The following PAX5 variants were observed in gnomAD, a reference collection of about 807,000 sequenced individuals.
The protein encoded by PAX5 is paired box protein Pax-5.
A neutral mutation model predicts 43.7 loss-of-function variants in PAX5; 9 were observed. That is an observed-to-expected ratio of 0.21 (90% CI 0.12 to 0.36). The LOEUF is 0.36. Among genes scored for constraint, PAX5 ranks in the 10% least tolerant of loss-of-function variants. PAX5 has a pLI of 1.00. For synonymous variants in PAX5, 228 were observed against 214.3 expected, an observed-to-expected ratio of 1.06 and a Z score of -0.56; for missense variants, 383 against 532.7, an observed-to-expected ratio of 0.72 and a Z score of 2.77.
At chr9:36,909,814 AT>A (rs752114508) in intron 7 of PAX5, among the ~76,000 whole-genome samples, 77 of 91,882 alleles carry the variant, frequency 8.4e-4, no homozygotes, top group East Asian at 1.5e-3. Flanking sequence ...AGACATTTTA[AT>A]TTTTTTTTTT....
At chr9:37,008,655 G>A (rs917970996) in intron 3 of PAX5, among the ~76,000 whole-genome samples, 1 of 152,106 alleles carries the variant, frequency 6.6e-6, no homozygotes, top group African/African-American at 2.4e-5. Context: ...CACACACACA[G>A]GCCATCTGGA....
intron 8 of PAX5, among the ~76,000 whole-genome samples, chr9:36,877,294 C>T (rs1826005332): frequency 6.6e-6 from 1 of 152,224 alleles, no homozygotes; most frequent in Non-Finnish European, 1.5e-5. Context: ...AAGATCGCAC[C>T]ACTGCACTCC....
chr9:36,982,515 C>T (rs1299588230), intron 5 of PAX5, among the ~76,000 whole-genome samples: 1 of 152,144 alleles, frequency 6.6e-6, no homozygotes, highest in Non-Finnish European at 1.5e-5. Flanking sequence ...AGAGAGCCCT[C>T]AACTGCAGGC....
At chr9:36,933,140 T>C (rs1197171150) in intron 6 of PAX5, among the ~76,000 whole-genome samples, 5 of 128,772 alleles carry the variant, frequency 3.9e-5, no homozygotes, top group Admixed American at 1.6e-4. Flanking sequence ...GGAGACCCTG[T>C]CTCAAAAAAA....
chr9:36,898,481 C>A (rs746652934), intron 7 of PAX5, among the ~76,000 whole-genome samples: 35 of 152,264 alleles, frequency 2.3e-4, no homozygotes, highest in Admixed American at 5.9e-4. Flanking sequence ...ACCCCAGCAA[C>A]CCCTCCCATC....
rs1271187008 is a variant in PAX5, at chr9:36,923,104, C to T, written c.910+251G>A. 2.7e-5 allele frequency: 12 copies of T among 436,768 alleles called. No homozygotes were observed. In the East Asian group the frequency reaches 3.8e-4, roughly 14 times the overall value. 27.1% of individuals were successfully genotyped at this position (436,768 alleles called of 1,614,324 possible). ...CTGGCATGAGGTTTCCTGCCCCCTA[C>T]CCCAAGTCCCCTCCAGCCCACAGTC... On this transcript the variant is annotated intron_variant, in intron 7 of 9. Coordinates refer to ENST00000358127, the MANE Select transcript of PAX5 (RefSeq NM_016734.3).
chr9:36,954,783 T>C (rs1309251215), intron 6 of PAX5, among the ~76,000 whole-genome samples: 1 of 152,244 alleles, frequency 6.6e-6, no homozygotes, highest in Non-Finnish European at 1.5e-5. Context: ...GTCTTAGCTA[T>C]TATTTCTTCA....
Position 36,851,281 on chromosome 9 carries a change from C to T in PAX5, c.1013-4352G>A, listed in dbSNP as rs370898534. On this transcript the variant is annotated intron_variant, in intron 8 of 9. Transcript: ENST00000358127. ...TCTGAAAACTAACTGAGGCCCTAAA[C>T]GTAATTTGATAGCTTTCGGTGGGGC... is the stretch of plus-strand genomic sequence containing the variant. Among the ~76,000 whole-genome samples, 67 of 152,184 alleles carry T rather than the reference C, an allele frequency of 4.4e-4. No individual in the cohort carries two copies. In the South Asian group the frequency reaches 9.4e-3, roughly 21 times the overall value.
chr9:37,034,145 C>T lies in PAX5; in HGVS notation c.-114G>A. 3.3e-6 allele frequency: 2 copies of T among 613,270 alleles called. No homozygotes were observed. Among genetic ancestry groups the T allele is most frequent in the South Asian group, 2.0e-5 (1 of 50,682 alleles). 38.0% of individuals were successfully genotyped at this position (613,270 alleles called of 1,614,324 possible). ...TTTTTTTGGTGCCAGGGGCCGCTCA[C>T]AGGTCGGAATAATTCAAGCCTTCCG... is the stretch of plus-strand genomic sequence containing the variant. On this transcript the variant is annotated 5_prime_UTR_variant, in exon 1 of 10. In the 5' UTR this introduces an upstream ATG that the reference lacks. Transcript: ENST00000358127.
chr9:36,944,076 C>T (rs953249501), intron 6 of PAX5, among the ~76,000 whole-genome samples: 2 of 152,104 alleles, frequency 1.3e-5, no homozygotes, highest in African/African-American at 4.8e-5. Context: ...CCCACCTGCT[C>T]AGAAGGCTGA....
chr9:37,000,441 C>T (rs1441634700), intron 5 of PAX5, among the ~76,000 whole-genome samples: 1 of 152,108 alleles, frequency 6.6e-6, no homozygotes, highest in African/African-American at 2.4e-5. Context: ...CCATATATAT[C>T]AGAACTGGAA....
In PAX5 at chr9:36,955,806, C is replaced by T. The variant is rs1360332127; in HGVS notation, c.780+10743G>A. On this transcript the variant is annotated intron_variant, in intron 6 of 9. Transcript: ENST00000358127. Reference sequence around the variant, plus strand: ...AAATATATATATATATATATATACCCACACACACATATATATATAATGCTT... The same window carrying T: ...AAATATATATATATATATATATACCTACACACACATATATATATAATGCTT... Among the ~76,000 whole-genome samples the T allele has an allele frequency of 7.9e-3, 977 of 122,956 alleles. 15 individuals carry two copies. Among genetic ancestry groups the T allele is most frequent in the African/African-American group, 0.032 (925 of 29,156 alleles). The allele number at this position is 122,956 out of a possible 152,430, so 80.7% of individuals were successfully genotyped here.
chr9:36,981,166 A>T (rs1393970809), intron 5 of PAX5, among the ~76,000 whole-genome samples: 1 of 117,234 alleles, frequency 8.5e-6, no homozygotes, highest in African/African-American at 3.3e-5. Flanking sequence ...CAGTAGGACC[A>T]CCCTCCAAAA....
chr9:36,987,858 G>A (rs965763171), intron 5 of PAX5, among the ~76,000 whole-genome samples: 3 of 152,230 alleles, frequency 2.0e-5, no homozygotes, highest in Non-Finnish European at 2.9e-5. Context: ...TGTCTCCCGA[G>A]AGGGAGGTAC....
In PAX5 at chr9:36,882,906, C is replaced by T. The variant is rs1826571217; in HGVS notation, c.911-801G>A. The stretch of plus-strand genomic sequence containing the variant: ...ACACTGTCACCATCACTGATTGGCT[C>T]CATCACGCAGAGGAAAATTCAATTG... On this transcript the variant is annotated intron_variant, in intron 7 of 9. Coordinates refer to ENST00000358127, the MANE Select transcript of PAX5 (RefSeq NM_016734.3). The surrounding 1 kb of genome is among the most constrained non-coding windows in gnomAD (Gnocchi z 4.4). Among the ~76,000 whole-genome samples, 1 of 152,232 alleles carries T rather than the reference C, an allele frequency of 6.6e-6. No individual in the cohort carries two copies. Among genetic ancestry groups the T allele is most frequent in the South Asian group, 2.1e-4 (1 of 4,824 alleles).
At chr9:36,957,640 T>C (rs554150161) in intron 6 of PAX5, among the ~76,000 whole-genome samples, 63 of 152,312 alleles carry the variant, frequency 4.1e-4, no homozygotes, top group Admixed American at 1.8e-3. Flanking sequence ...TGTAGGTCAG[T>C]TGCCTCCAGC....
chr9:36,946,577 T>G (rs1326142106), intron 6 of PAX5, among the ~76,000 whole-genome samples: 1 of 152,260 alleles, frequency 6.6e-6, no homozygotes, highest in East Asian at 1.9e-4. Flanking sequence ...TCCAAAGCAA[T>G]GAGAGGTTTG....
chr9:37,027,648 G>T (rs960477689), intron 1 of PAX5, among the ~76,000 whole-genome samples: 1 of 152,296 alleles, frequency 6.6e-6, no homozygotes, highest in African/African-American at 2.4e-5. Flanking sequence ...TGCTCGGCGC[G>T]CACAGTGCGC....
At chr9:37,008,327 T>C (rs766451229) in intron 3 of PAX5, among the ~76,000 whole-genome samples, 33 of 152,238 alleles carry the variant, frequency 2.2e-4, no homozygotes, top group Non-Finnish European at 3.5e-4. Context: ...GTGCTGGGAT[T>C]ACAGGCGTGA....
Sources: gnomAD v4.1 joint callset for allele counts (sites outside exome capture counted in the v4.1 genomes callset) on GRCh38, gnomAD v4.1.1 for gene constraint, Gnocchi (gnomAD v3.1) non-coding constraint, MANE v1.5 for transcripts, NCBI Gene and HGNC (gene_info 2026-07-23, HGNC 2026-07-21) for gene names.